The following WWOX variants were observed in gnomAD, a reference collection of about 807,000 sequenced individuals.
WWOX encodes the protein WW domain-containing oxidoreductase.
In WWOX, 69 loss-of-function variants were observed where a neutral mutation model predicts 46.2. The observed-to-expected ratio is 1.49, with a 90% CI of 1.23 to 1.82. The LOEUF is 1.82. Ranked by LOEUF, WWOX falls within the 40% of genes most tolerant of loss-of-function variation. WWOX has a pLI of 0.00. For synonymous variants in WWOX, 359 were observed against 202.6 expected, an observed-to-expected ratio of 1.77 and a Z score of -6.56; for missense variants, 919 against 542.6, an observed-to-expected ratio of 1.69 and a Z score of -6.89.
intron 8 of WWOX, among the ~76,000 whole-genome samples, chr16:78,607,514 C>G (rs917053483): frequency 3.3e-5 from 5 of 152,176 alleles, no homozygotes; most frequent in Admixed American, 1.3e-4. Context: ...TGTAATTTAG[C>G]AAAGTCTTAC....
rs145475182 is a variant in WWOX at position 78,743,689 on chromosome 16, A to G, written c.1056+310937A>G. On this transcript the variant is annotated intron_variant, in intron 8 of 8. Transcript: ENST00000566780. The stretch of plus-strand genomic sequence containing the variant: ...GATTGGTTGCTTTCCACGACCATTC[A>G]GCCGTTTGCATAGGAGCTGTAACTT... 1.9e-3 allele frequency among the ~76,000 whole-genome samples: 282 copies of G among 152,274 alleles called. 1 individual carries two copies. Among genetic ancestry groups the G allele is most frequent in the African/African-American group, 6.2e-3 (259 of 41,546 alleles).
In WWOX at chr16:78,814,738, C is replaced by T. The variant is rs978353680; in HGVS notation, c.1056+381986C>T. 3.3e-5 allele frequency among the ~76,000 whole-genome samples: 5 copies of T among 152,196 alleles called. No homozygotes were observed. The East Asian group carries it at 9.6e-4, about 29-fold the overall frequency. ...AAAAAGTTCTGCCTTCATGTAACAA[C>T]TAATGTGACATGGCAGTGTATAAGA... On this transcript the variant is annotated intron_variant, in intron 8 of 8. Coordinates refer to ENST00000566780, the MANE Select transcript of WWOX (RefSeq NM_016373.4).
chr16:78,785,831 T>C (rs781652251), intron 8 of WWOX, among the ~76,000 whole-genome samples: 2 of 152,348 alleles, frequency 1.3e-5, no homozygotes, highest in East Asian at 3.9e-4. Flanking sequence ...AAATATTTCT[T>C]CAATTTTTTT....
intron 8 of WWOX, among the ~76,000 whole-genome samples, chr16:78,483,548 C>A (rs766435956): frequency 6.6e-6 from 1 of 151,816 alleles, no homozygotes; most frequent in Non-Finnish European, 1.5e-5. Flanking sequence ...ACAGAACCGG[C>A]CTTTCCCAGT....
chr16:78,710,310 A>C (rs916175043), intron 8 of WWOX, among the ~76,000 whole-genome samples: 3 of 147,858 alleles, frequency 2.0e-5, no homozygotes, highest in Non-Finnish European at 4.4e-5. Flanking sequence ...CTCTGAAAGT[A>C]GTCTTCAAGA....
At chr16:78,599,150 T>G (rs2045562885) in intron 8 of WWOX, among the ~76,000 whole-genome samples, 1 of 152,188 alleles carries the variant, frequency 6.6e-6, no homozygotes. Flanking sequence ...TGATGGAGAC[T>G]TCATCCCCTC....
rs181041420 is a variant in WWOX, at chr16:79,136,351, C to T, written c.1057-75257C>T. Among the ~76,000 whole-genome samples, 288 of 152,214 alleles carry T rather than the reference C, an allele frequency of 1.9e-3. 1 individual carries two copies. The highest frequency in any genetic ancestry group is 6.6e-3 in the African/African-American group (276 of 41,520). On this transcript the variant is annotated intron_variant, in intron 8 of 8. Coordinates refer to ENST00000566780, the MANE Select transcript of WWOX (RefSeq NM_016373.4). Reference sequence around the variant, plus strand: ...GTTCAAGCGATTCTCCTGCCTCCGCCTCCCAAGTAGCTGGGATTACAGGCA... The same window carrying T: ...GTTCAAGCGATTCTCCTGCCTCCGCTTCCCAAGTAGCTGGGATTACAGGCA...
chr16:78,721,203 C>G (rs138659521), intron 8 of WWOX, among the ~76,000 whole-genome samples: 164 of 152,176 alleles, frequency 1.1e-3, no homozygotes, highest in Middle Eastern at 0.01. Context: ...GGCCATTATA[C>G]TTTCTACAGT....
At chr16:78,280,634 TGA>T (rs1289193695) in intron 5 of WWOX, among the ~76,000 whole-genome samples, 1 of 135,392 alleles carries the variant, frequency 7.4e-6, no homozygotes, top group Non-Finnish European at 1.5e-5. Context: ...GGTGACATGG[TGA>T]CAGTGGGAAG....
At chr16:78,883,912 C>T (rs1292144151) in intron 8 of WWOX, among the ~76,000 whole-genome samples, 1 of 152,008 alleles carries the variant, frequency 6.6e-6, no homozygotes, top group African/African-American at 2.4e-5. Flanking sequence ...ATGATAGTAA[C>T]ATCAGTTGGT....
chr16:78,704,224 C>G (rs1438226376), intron 8 of WWOX, among the ~76,000 whole-genome samples: 2 of 151,840 alleles, frequency 1.3e-5, no homozygotes, highest in Non-Finnish European at 2.9e-5. Context: ...AAAATGGAAA[C>G]AGTGCAACCT....
chr16:78,651,770 G>A (rs2046970889), intron 8 of WWOX, among the ~76,000 whole-genome samples: 1 of 152,198 alleles, frequency 6.6e-6, no homozygotes, highest in African/African-American at 2.4e-5. Flanking sequence ...ATCAACTTAT[G>A]CTTTGGAACG....
chr16:78,969,918 A>G (rs1250560368), intron 8 of WWOX, among the ~76,000 whole-genome samples: 4 of 152,194 alleles, frequency 2.6e-5, no homozygotes, highest in African/African-American at 9.6e-5. Context: ...AAAATGTTGT[A>G]AAGTTGATTG....
chr16:79,043,469 G>T (rs953580688), intron 8 of WWOX, among the ~76,000 whole-genome samples: 1 of 152,202 alleles, frequency 6.6e-6, no homozygotes, highest in Admixed American at 6.5e-5. Flanking sequence ...GGGAGGAAAA[G>T]CAAGTGCATT....
intron 8 of WWOX, chr16:79,206,806 C>A (rs1488634729): frequency 2.0e-5 from 3 of 151,980 alleles, no homozygotes; most frequent in Non-Finnish European, 4.4e-5. Context: ...GGTCACCTAG[C>A]CAGGGAGGCC....
chr16:78,556,897 T>G (rs2044311713), intron 8 of WWOX, among the ~76,000 whole-genome samples: 1 of 151,940 alleles, frequency 6.6e-6, no homozygotes, highest in South Asian at 2.1e-4. Flanking sequence ...TTTTCTATTT[T>G]CAATAGAGAT....
chr16:79,194,686 G>A (rs762598070), intron 8 of WWOX, among the ~76,000 whole-genome samples: 21 of 152,102 alleles, frequency 1.4e-4, no homozygotes, highest in Non-Finnish European at 2.4e-4. Flanking sequence ...TACAGCCCCC[G>A]CTCTGCTGAG....
intron 8 of WWOX, among the ~76,000 whole-genome samples, chr16:79,038,198 C>G (rs2047905027): frequency 6.6e-6 from 1 of 152,138 alleles, no homozygotes; most frequent in Non-Finnish European, 1.5e-5. Context: ...AGCTCACACC[C>G]TGTTGGCCCT....
intron 5 of WWOX, among the ~76,000 whole-genome samples, chr16:78,196,032 A>T (rs540740112): frequency 7.9e-5 from 12 of 152,278 alleles, no homozygotes; most frequent in Non-Finnish European, 1.6e-4. Context: ...GAAGAATGCA[A>T]ATCTTTGCCT....
Sources: allele counts gnomAD v4.1 joint callset (sites outside exome capture counted in the v4.1 genomes callset), GRCh38; gene constraint gnomAD v4.1.1; transcripts MANE v1.5; gene names NCBI Gene and HGNC (gene_info 2026-07-23, HGNC 2026-07-21).